Variants in SMYD2 observed in about 807,000 individuals in gnomAD.
SMYD2 encodes the protein N-lysine methyltransferase SMYD2.
Under a neutral mutation model 59.1 loss-of-function variants are expected in SMYD2, and 53 were observed. The ratio of observed to expected loss-of-function variants is 0.90; its 90% CI spans 0.72 to 1.13. The LOEUF (loss-of-function observed/expected upper bound fraction) is 1.13. Ranked by LOEUF, SMYD2 falls within the 50% of genes most tolerant of loss-of-function variation. The pLI, the probability that SMYD2 is intolerant of heterozygous loss-of-function variation, is 0.00. For synonymous variants in SMYD2, 208 were observed against 198.8 expected (o/e 1.05, Z -0.39); for missense variants, 494 against 544.7 (o/e 0.91, Z 0.93).
intron 1 of SMYD2, among the ~76,000 whole-genome samples, chr1:214,304,837 C>T (rs778961080): frequency 6.6e-6 from 1 of 152,174 alleles, no homozygotes; most frequent in Non-Finnish European, 1.5e-5. Context: ...CTTGAACTTG[C>T]CCTGAGCTAC....
rs377094043 is a variant in SMYD2, at chr1:214,318,071, A to G, written c.349-8A>G. On this transcript the variant is annotated splice_polypyrimidine_tract_variant and splice_region_variant and intron_variant, in intron 3 of 11. Transcript: ENST00000366957. The surrounding 1 kb of genome is among the most constrained non-coding windows in gnomAD (Gnocchi z 5.4). ...CTGTATCTGTGTGATTTCTTCCCCA[A>G]TTGCTAGAAAATCCACCCAGAGAGA... is the stretch of plus-strand genomic sequence containing the variant. 1.2e-5 allele frequency: 20 copies of G among 1,613,040 alleles called. No homozygotes were observed. The highest frequency in any genetic ancestry group is 2.7e-5 in the African/African-American group (2 of 74,876).
At chr1:214,285,164 G>C (rs1294526220) in intron 1 of SMYD2, among the ~76,000 whole-genome samples, 2 of 146,700 alleles carry the variant, frequency 1.4e-5, no homozygotes, top group South Asian at 4.3e-4. Context: ...TGTGATTAAG[G>C]TGTCCTATTT....
intron 3 of SMYD2, 142 bp downstream of exon 3, chr1:214,315,014 G>A (rs1165432521): frequency 1.5e-6 from 1 of 668,518 alleles, no homozygotes; most frequent in Admixed American, 2.7e-5. Context: ...ATGGACAGGG[G>A]TGGGGAAAAT....
At chr1:214,316,887 G>A (rs1324713526) in intron 3 of SMYD2, among the ~76,000 whole-genome samples, 3 of 152,174 alleles carry the variant, frequency 2.0e-5, no homozygotes, top group Admixed American at 2.0e-4. Flanking sequence ...GGCTGAATAA[G>A]TCAGAGGGAA....
At chr1:214,281,473 G>C in intron 1 of SMYD2, 46 bp downstream of exon 1, 1 of 1,297,510 alleles carries the variant, frequency 7.7e-7, no homozygotes, top group Non-Finnish European at 9.8e-7. Context: ...CGGGGGCGCC[G>C]AGCGGGAGGC....
intron 6 of SMYD2, 82 bp downstream of exon 6, chr1:214,324,790 C>T: frequency 8.0e-7 from 1 of 1,251,060 alleles, no homozygotes; most frequent in Non-Finnish European, 1.1e-6. Flanking sequence ...AAATAACCCA[C>T]CTAACTGCAT....
At chr1:214,316,517 A>G (rs1657088192) in intron 3 of SMYD2, among the ~76,000 whole-genome samples, 1 of 151,926 alleles carries the variant, frequency 6.6e-6, no homozygotes, top group Non-Finnish European at 1.5e-5. Flanking sequence ...ACAAACTGAA[A>G]TTTCATCCAC....
At position 214,281,295 on chromosome 1, in the gene SMYD2, G is replaced by T. The variant is rs756551952; in HGVS notation, c.41G>T (p.Ser14Ile). ...CTCGGCGGCCTGGAGCGCTTCTGCA[G>T]CCCGGGCAAAGGCCGGGGGCTGCGG... ...EGLGGLERFC[S>I]PGKGRGLRAL... Residue 14 changes from serine (S) to isoleucine (I), a missense_variant, in exon 1 of 12, where the codon AGC (serine) becomes ATC (isoleucine). By Grantham distance (142) the Ser-to-Ile change is moderately radical. Coordinates refer to ENST00000366957, the MANE Select transcript of SMYD2 (RefSeq NM_020197.3). The T allele has an allele frequency of 7.4e-7, 1 of 1,353,452 alleles. No homozygotes were observed. The highest frequency in any genetic ancestry group is 9.6e-7 in the Non-Finnish European group (1 of 1,044,156). 83.8% of individuals were successfully genotyped at this position (1,353,452 alleles called of 1,614,324 possible). A position where few individuals can be genotyped will look rare whatever the true frequency, so the allele number is the denominator to read the frequency against.
At chr1:214,331,150 G>C in intron 9 of SMYD2, 80 bp downstream of exon 9, 1 of 1,588,346 alleles carries the variant, frequency 6.3e-7, no homozygotes, top group Non-Finnish European at 8.6e-7. Flanking sequence ...GGGAGCAGGA[G>C]AAGGATGGAT....
At chr1:214,335,395 T>TTC (rs1434594470) in intron 11 of SMYD2, among the ~76,000 whole-genome samples, 1 of 152,218 alleles carries the variant, frequency 6.6e-6, no homozygotes, top group Non-Finnish European at 1.5e-5. Flanking sequence ...CTGGAGCAGA[T>TTC]CTGAGCAAGG....
At chr1:214,293,730 G>A (rs1656675876) in intron 1 of SMYD2, among the ~76,000 whole-genome samples, 1 of 152,186 alleles carries the variant, frequency 6.6e-6, no homozygotes, top group African/African-American at 2.4e-5. Context: ...AGGCTGGAGT[G>A]CAATGGCGCG....
chr1:214,291,139 T>C (rs1206047939), intron 1 of SMYD2, among the ~76,000 whole-genome samples: 1 of 152,236 alleles, frequency 6.6e-6, no homozygotes, highest in Admixed American at 6.5e-5. Flanking sequence ...TAGTGGGTTC[T>C]ATAGTTCTGG....
intron 7 of SMYD2, among the ~76,000 whole-genome samples, chr1:214,328,692 T>G (rs1657300763): frequency 6.6e-6 from 1 of 152,218 alleles, no homozygotes; most frequent in Non-Finnish European, 1.5e-5. Flanking sequence ...GACAAGTGCT[T>G]TGCTTTCTCT....
intron 5 of SMYD2, among the ~76,000 whole-genome samples, chr1:214,324,097 T>C (rs1657216707): frequency 6.6e-6 from 1 of 152,058 alleles, no homozygotes. Context: ...CTGGATAATT[T>C]TGTATTTGTA....
chr1:214,332,358 G>A, intron 10 of SMYD2, 166 bp downstream of exon 10: 1 of 752,884 alleles, frequency 1.3e-6, no homozygotes, highest in Non-Finnish European at 2.1e-6. Flanking sequence ...TCCCGAGTCA[G>A]GCCTGTTCTC....
intron 5 of SMYD2, among the ~76,000 whole-genome samples, chr1:214,321,542 G>C (rs931312352): frequency 1.3e-5 from 2 of 152,224 alleles, no homozygotes; most frequent in Non-Finnish European, 2.9e-5. Context: ...CGTGTCTGCT[G>C]TTCCAGCCCC....
At chr1:214,303,126 C>A (rs1161031454) in intron 1 of SMYD2, among the ~76,000 whole-genome samples, 1 of 152,070 alleles carries the variant, frequency 6.6e-6, no homozygotes, top group Non-Finnish European at 1.5e-5. Context: ...CAGCCAAACT[C>A]TCAGAGGTCT....
intron 1 of SMYD2, among the ~76,000 whole-genome samples, chr1:214,284,834 C>T (rs1031886323): frequency 2.0e-5 from 3 of 152,160 alleles, no homozygotes; most frequent in Non-Finnish European, 4.4e-5. Context: ...TTTTAACCCC[C>T]AATGTGATTT....
At position 214,318,839 on chromosome 1, in the gene SMYD2, A is replaced by G; in HGVS notation, c.410-20A>G. On this transcript the variant is annotated intron_variant, in intron 4 of 11. Coordinates refer to ENST00000366957, the MANE Select transcript of SMYD2 (RefSeq NM_020197.3). This position sits in a 1 kb window ranked among gnomAD's most constrained non-coding sequence, Gnocchi z 5.4. The stretch of plus-strand genomic sequence containing the variant: ...ATCCCACGCTTTCTACTGGGTGAAT[A>G]ATGGATTATTTATCCACAGATCTGG... 1 of 1,612,832 alleles carries G rather than the reference A, an allele frequency of 6.2e-7. No individual in the cohort carries two copies. Among genetic ancestry groups the G allele is most frequent in the African/African-American group, 1.3e-5 (1 of 74,890 alleles).
Sources: allele counts gnomAD v4.1 joint callset (sites outside exome capture counted in the v4.1 genomes callset), GRCh38; gene constraint gnomAD v4.1.1; non-coding constraint Gnocchi (gnomAD v3.1); transcripts MANE v1.5; gene names NCBI Gene and HGNC (gene_info 2026-07-23, HGNC 2026-07-21).